The following GALNS variants were observed in gnomAD, a reference collection of about 807,000 sequenced individuals.
GALNS encodes N-acetylgalactosamine-6-sulfatase.
In GALNS, 65 loss-of-function variants were observed where a neutral mutation model predicts 65.9. That is an observed-to-expected ratio of 0.99 (90% confidence interval 0.81 to 1.21). GALNS has a LOEUF of 1.21. GALNS is among the 50% of genes most tolerant of loss of function. The probability of loss-of-function intolerance (pLI) is 0.00; values close to 1 mark genes in which losing one functional copy is unlikely to be tolerated. For synonymous variants in GALNS, 346 were observed against 288.9 expected, an observed-to-expected ratio of 1.20 and a Z score of -2.00; for missense variants, 776 against 700.7, an observed-to-expected ratio of 1.11 and a Z score of -1.21.
chr16:88,822,932 G>T (rs576471416), intron 11 of GALNS, among the ~76,000 whole-genome samples: 2 of 152,316 alleles, frequency 1.3e-5, no homozygotes, highest in East Asian at 3.9e-4. Flanking sequence ...AACGCTGAAG[G>T]ACTAGCGGGC....
At chr16:88,845,631 C>T (rs8054592) in intron 1 of GALNS, 37,127 of 150,418 alleles carry the variant, frequency 0.25, 4,798 homozygotes, top group East Asian at 0.57. Context: ...CCTGTACCAG[C>T]TACTTGGGAG....
At chr16:88,816,158 G>A (rs535230646) in intron 13 of GALNS, 29 of 985,464 alleles carry the variant, frequency 2.9e-5, no homozygotes, top group African/African-American at 7.0e-5. Context: ...CAGGTGTGGC[G>A]GTGGGGGCAG....
intron 13 of GALNS, chr16:88,815,867 T>C (rs1393398528): frequency 1.0e-6 from 1 of 985,406 alleles, no homozygotes; most frequent in Non-Finnish European, 1.2e-6. Flanking sequence ...GGATGGGGGA[T>C]CTGCATTTCT....
chr16:88,816,835 T>C, intron 13 of GALNS: 2 of 985,404 alleles, frequency 2.0e-6, no homozygotes, highest in Non-Finnish European at 2.4e-6. Context: ...CAGGCTGAAG[T>C]CTGCAGCTGC....
chr16:88,816,134 C>A (rs1909597647), intron 13 of GALNS: 2 of 985,386 alleles, frequency 2.0e-6, no homozygotes, highest in Non-Finnish European at 2.4e-6. Context: ...GCACTTTTCC[C>A]CCTGCAGAGA....
chr16:88,854,133 T>G (rs1967643158), intron 1 of GALNS, among the ~76,000 whole-genome samples: 1 of 152,088 alleles, frequency 6.6e-6, no homozygotes, highest in African/African-American at 2.4e-5. Flanking sequence ...TGCTCCAAAA[T>G]CTGAACTTGA....
rs376268211 is a variant in GALNS, at chr16:88,841,050, G to A, written c.364C>T (p.Gln122Ter). Residue 122 changes from glutamine to a stop codon, truncating the protein, a stop_gained, in exon 4 of 14, where the codon CAG (glutamine) becomes TAG (stop). Transcript: ENST00000268695. LOFTEE classifies it high-confidence loss of function. ...TTCTTCAGAAGCTCCGGCAGGAGCT[G>A]CTCCGAGTCTGGGATGCCGCCCACA... ...EIVGGIPDSEQLLPELLKKAG... is the reference protein window; with the variant it reads ...EIVGGIPDSE 2 of 1,613,156 alleles carry A rather than the reference G, an allele frequency of 1.2e-6. No individual in the cohort carries two copies. Among genetic ancestry groups the A allele is most frequent in the African/African-American group, 2.7e-5 (2 of 74,928 alleles).
intron 9 of GALNS, 114 bp downstream of exon 9, chr16:88,831,884 C>G (rs1911539660): frequency 1.2e-6 from 1 of 840,270 alleles, no homozygotes; most frequent in African/African-American, 1.7e-5. Flanking sequence ...GGGAGGAGAG[C>G]GGTGAGGATG....
intron 5 of GALNS, among the ~76,000 whole-genome samples, chr16:88,837,389 A>G (rs941065376): frequency 9.2e-5 from 14 of 152,196 alleles, no homozygotes; most frequent in African/African-American, 3.4e-4. Context: ...GGACAGCTAC[A>G]GGGATCTACG....
intron 1 of GALNS, among the ~76,000 whole-genome samples, chr16:88,850,473 G>T (rs145792946): frequency 1.3e-5 from 2 of 152,168 alleles, no homozygotes; most frequent in Non-Finnish European, 2.9e-5. Context: ...TGGGCTCCAC[G>T]CTCATCACTC....
At chr16:88,847,013 G>A (rs1339299304) in intron 1 of GALNS, among the ~76,000 whole-genome samples, 2 of 152,110 alleles carry the variant, frequency 1.3e-5, no homozygotes, top group Non-Finnish European at 2.9e-5. Flanking sequence ...CGGCAGGGAG[G>A]GAAAACCTCT....
intron 9 of GALNS, among the ~76,000 whole-genome samples, chr16:88,828,842 C>T (rs1271997736): frequency 1.3e-5 from 2 of 152,210 alleles, no homozygotes; most frequent in Non-Finnish European, 2.9e-5. Flanking sequence ...CTGCTGAGCA[C>T]AGCCACGGGT....
At chr16:88,827,604 G>A (rs913360817) in intron 9 of GALNS, among the ~76,000 whole-genome samples, 2 of 152,084 alleles carry the variant, frequency 1.3e-5, no homozygotes, top group Non-Finnish European at 2.9e-5. Flanking sequence ...GTGTCACTAC[G>A]CCCGGCTAAT....
At chr16:88,854,428 C>A (rs1242959753) in intron 1 of GALNS, among the ~76,000 whole-genome samples, 1 of 152,248 alleles carries the variant, frequency 6.6e-6, no homozygotes, top group Non-Finnish European at 1.5e-5. Context: ...GCCAGCATCC[C>A]TGCCCTGTCC....
intron 13 of GALNS, 40 bp downstream of exon 13, chr16:88,817,966 GC>G: frequency 6.7e-7 from 1 of 1,501,324 alleles, no homozygotes. Flanking sequence ...GGTGGCTGCA[GC>G]CCCGGCAAAG....
intron 1 of GALNS, chr16:88,856,235 G>C (rs953756252): frequency 1.4e-6 from 1 of 703,062 alleles, no homozygotes; most frequent in Non-Finnish European, 2.6e-6. Context: ...AGAGGACAGA[G>C]ACAGCCGTCA....
rs966389499 is a variant in GALNS at position 88,816,379 on chromosome 16, TG to T, written c.1482+1627del. The T allele has an allele frequency of 1.5e-5, 15 of 985,402 alleles. No individual in the cohort carries two copies. The African/African-American group carries it at 2.4e-4, about 16-fold the overall frequency. The allele number at this position is 985,402 out of a possible 1,614,324, so 61.0% of individuals were successfully genotyped here. A position where few individuals can be genotyped will look rare whatever the true frequency, so the allele number is the denominator to read the frequency against. ...TCCACGGCTGGTGGCCCTGGGCTCC[TG>T]GGGCCCCGAGACTCAGGGGTCCTGA... On this transcript the variant is annotated intron_variant, in intron 13 of 13. Coordinates refer to ENST00000268695, the MANE Select transcript of GALNS (RefSeq NM_000512.5).
At chr16:88,817,781 T>C (rs1909784286) in intron 13 of GALNS, among the ~76,000 whole-genome samples, 1 of 152,148 alleles carries the variant, frequency 6.6e-6, no homozygotes, top group African/African-American at 2.4e-5. Context: ...GCTGTGGACC[T>C]GCGGCTGCCC....
intron 12 of GALNS, among the ~76,000 whole-genome samples, chr16:88,821,253 C>T (rs898096625): frequency 2.0e-5 from 3 of 152,208 alleles, no homozygotes; most frequent in African/African-American, 7.2e-5. Context: ...CCTCTTCCAG[C>T]TCCAGTGGCC....
Sources: allele counts gnomAD v4.1 joint callset (sites outside exome capture counted in the v4.1 genomes callset), GRCh38; gene constraint gnomAD v4.1.1; transcripts MANE v1.5; gene names NCBI Gene and HGNC (gene_info 2026-07-23, HGNC 2026-07-21).